Variants in ULK1 observed in about 807,000 individuals in gnomAD.
The protein encoded by ULK1 is unc-51 like autophagy activating kinase 1.
In ULK1, 48 loss-of-function variants were observed where a neutral mutation model predicts 117.5. The ratio of observed to expected loss-of-function variants is 0.41; its 90% CI spans 0.32 to 0.52. The LOEUF (loss-of-function observed/expected upper bound fraction) is 0.52, where lower values mean the gene tolerates loss of function less well. Among genes scored for constraint, ULK1 ranks in the 20% least tolerant of loss-of-function variants. ULK1 has a pLI of 0.29. For missense variants in ULK1, 1,387 were observed against 1,473.4 expected, an observed-to-expected ratio of 0.94 and a Z score of 0.96; for synonymous variants, 790 against 637.8, an observed-to-expected ratio of 1.24 and a Z score of -3.60.
chr12:131,902,390 G>A lies in ULK1; in HGVS notation c.247-4502G>A, dbSNP rs758675554. 6.6e-6 allele frequency among the ~76,000 whole-genome samples: 1 copy of A among 152,154 alleles called. No individual in the cohort carries two copies. The highest frequency in any genetic ancestry group is 1.5e-5 in the Non-Finnish European group (1 of 68,004). On this transcript the variant is annotated intron_variant, in intron 3 of 27. Coordinates refer to ENST00000321867, the MANE Select transcript of ULK1 (RefSeq NM_003565.4). The surrounding 1 kb of genome is among the most constrained non-coding windows in gnomAD (Gnocchi z 6.3). ...AGTAAAGCACCTTAGCACCCCAGGG[G>A]TGGGGCAGCCTCCTACGTGCCCAGA...
In ULK1 at chr12:131,917,412, A is replaced by G. The variant is rs1889901651; in HGVS notation, c.2184A>G (p.Ala728=). 1 of 1,517,018 alleles carries G rather than the reference A, an allele frequency of 6.6e-7. No homozygotes were observed. The highest frequency in any genetic ancestry group is 1.9e-4 in the Middle Eastern group (1 of 5,210). The allele number at this position is 1,517,018 out of a possible 1,614,324, so 94.0% of individuals were successfully genotyped here. ...CTGAGCCCTTCCTTGCTCTCCCAGC[A>G]CCCTCAGCTGGCTTTGGAGGGAGCC... The part of the protein sequence containing the change: ...ESLQEKPMEI[A]PSAGFGGSLH... Residue 728 remains alanine (A), a splice_region_variant and synonymous_variant, in exon 22 of 28, where the codon GCA becomes GCG. Transcript: ENST00000321867.
Position 131,908,834 on chromosome 12 carries a change from G to A in ULK1, c.490+17G>A, listed in dbSNP as rs747139719. ...TCAAGATCGGTCAGCCCGCGGGCAG[G>A]CAGGCGGGCCCGGCGGGGAGGGGCT... On this transcript the variant is annotated intron_variant, in intron 6 of 27. Transcript: ENST00000321867. 4 of 1,606,028 alleles carry A rather than the reference G, an allele frequency of 2.5e-6. No homozygotes were observed. In the South Asian group the frequency reaches 4.4e-5, roughly 18 times the overall value.
Position 131,920,304 on chromosome 12 carries a change from C to G in ULK1, c.2961+168C>G, listed in dbSNP as rs761250775. 16 of 878,742 alleles carry G rather than the reference C, an allele frequency of 1.8e-5. No homozygotes were observed. The Middle Eastern group carries it at 1.4e-3, about 77-fold the overall frequency. The allele number at this position is 878,742 out of a possible 1,614,324, so 54.4% of individuals were successfully genotyped here. A position where few individuals can be genotyped will look rare whatever the true frequency, so the allele number is the denominator to read the frequency against. ...GCACCCCCAGCCTCCTGCAGGCGCT[C>G]GCAGCTCGGCTGGGTGCATCCTTGA... On this transcript the variant is annotated intron_variant, in intron 26 of 27. Coordinates refer to ENST00000321867, the MANE Select transcript of ULK1 (RefSeq NM_003565.4).
Position 131,913,844 on chromosome 12 carries a change from G to A in ULK1, c.1247+8G>A. ...CTCCCCCAGTCCCTCAGGGTAAGCA[G>A]GGCCCCAGGCTGGGTGGATGGGGCT... On this transcript the variant is annotated splice_region_variant and intron_variant, in intron 15 of 27. Transcript: ENST00000321867. 6.6e-7 allele frequency: 1 copy of A among 1,517,240 alleles called. No individual in the cohort carries two copies. The allele number at this position is 1,517,240 out of a possible 1,614,324, so 94.0% of individuals were successfully genotyped here.
At position 131,917,306 on chromosome 12, in the gene ULK1, G is replaced by GGCTCGAGGCTGT; in HGVS notation, c.2183-104_2183-103insCTCGAGGCTGTG. On this transcript the variant is annotated intron_variant, in intron 21 of 27. Transcript: ENST00000321867. ...TCGGAGGCTGTGGGACGGGGGTTGG[G>GGCTCGAGGCTGT]GGGAGCTCGGAGGCCGTGGGATGGG... 3.0e-4 allele frequency: 48 copies of GGCTCGAGGCTGT among 158,096 alleles called. 16 individuals are homozygous for GGCTCGAGGCTGT. The highest frequency in any genetic ancestry group is 3.8e-4 in the Non-Finnish European group (35 of 93,032). 9.8% of individuals were successfully genotyped at this position (158,096 alleles called of 1,614,324 possible).
intron 14 of ULK1, among the ~76,000 whole-genome samples, 194 bp from the exon 15 acceptor site, chr12:131,913,553 A>G (rs1889636504): frequency 6.6e-6 from 1 of 151,882 alleles, no homozygotes; most frequent in Non-Finnish European, 1.5e-5. Flanking sequence ...GAAATGCAAA[A>G]AATTAGCCAG....
intron 23 of ULK1, 113 bp downstream of exon 23, chr12:131,918,794 G>GGTGTGGGGTGTAGA: frequency 1.1e-5 from 3 of 271,806 alleles, no homozygotes; most frequent in South Asian, 1.3e-4. Flanking sequence ...TGGGGTGTCG[G>GGTGTGGGGTGTAGA]GGGTGTGGGG....
intron 11 of ULK1, 49 bp from the exon 12 acceptor site, chr12:131,910,663 G>C: frequency 6.2e-7 from 1 of 1,612,822 alleles, no homozygotes; most frequent in Non-Finnish European, 8.5e-7. Context: ...TCGAGGGTGA[G>C]GAGGAGACAG....
rs1305341405 is a variant in ULK1, at chr12:131,921,384, C to T, written c.*23C>T. 4 of 1,600,812 alleles carry T rather than the reference C, an allele frequency of 2.5e-6. No homozygotes were observed. Among genetic ancestry groups the T allele is most frequent in the African/African-American group, 2.7e-5 (2 of 74,932 alleles). On this transcript the variant is annotated 3_prime_UTR_variant, in exon 28 of 28. Transcript: ENST00000321867. The stretch of plus-strand genomic sequence containing the variant: ...TGACCTTTCTGGCCTGGCTGGGCCC[C>T]CCGTCCTGCCGAGCCCTGCAGAGTG...
chr12:131,915,887 C>G lies in ULK1; in HGVS notation c.1610-4C>G, dbSNP rs771362642. 7.5e-6 allele frequency: 12 copies of G among 1,609,570 alleles called. No individual in the cohort carries two copies. The African/African-American group carries it at 1.3e-4, about 18-fold the overall frequency. On this transcript the variant is annotated splice_region_variant and splice_polypyrimidine_tract_variant and intron_variant, in intron 18 of 27. Coordinates refer to ENST00000321867, the MANE Select transcript of ULK1 (RefSeq NM_003565.4). ...AGGTCGTGACGAGGCGTGTCTCTCT[C>G]TAGGCTCCTCTGCACCCGAGCACTC...
rs1232908571 is a variant in ULK1, at chr12:131,902,229, C to A, written c.247-4663C>A. 3.3e-5 allele frequency among the ~76,000 whole-genome samples: 5 copies of A among 152,170 alleles called. No individual in the cohort carries two copies. The highest frequency in any genetic ancestry group is 7.2e-5 in the African/African-American group (3 of 41,442). ...GGGGGTGCAGAGTGGTTCTGTCCAGCCACAGCTGTGGCTTTTGCCACTTTC... is the reference window on the plus strand; with the variant it reads ...GGGGGTGCAGAGTGGTTCTGTCCAGACACAGCTGTGGCTTTTGCCACTTTC... On this transcript the variant is annotated intron_variant, in intron 3 of 27. Transcript: ENST00000321867. This position sits in a 1 kb window ranked among gnomAD's most constrained non-coding sequence, Gnocchi z 6.3.
intron 5 of ULK1, among the ~76,000 whole-genome samples, chr12:131,908,138 C>T (rs1251565642): frequency 6.6e-6 from 1 of 152,110 alleles, no homozygotes. Context: ...CCGCGTCGCC[C>T]TCATAGCGCT....
rs1215117902 is a variant in ULK1, at chr12:131,922,139, T to C, written c.*778T>C. 1 of 387,716 alleles carries C rather than the reference T, an allele frequency of 2.6e-6. No individual in the cohort carries two copies. Among genetic ancestry groups the C allele is most frequent in the African/African-American group, 2.1e-5 (1 of 47,402 alleles). 24.0% of individuals were successfully genotyped at this position (387,716 alleles called of 1,614,324 possible). ...ACGTCTTGTAATCTTTCACACTTTA[T>C]TCCTAAAACGTGTCTTATTTTTATG... On this transcript the variant is annotated 3_prime_UTR_variant, in exon 28 of 28. Transcript: ENST00000321867.
chr12:131,905,416 G>A (rs935039595), intron 3 of ULK1, among the ~76,000 whole-genome samples: 6 of 152,078 alleles, frequency 3.9e-5, no homozygotes, highest in Non-Finnish European at 8.8e-5. Context: ...CTCCTGAGGC[G>A]CTGAGGGGTG....
rs1889890967 is a variant in ULK1, at chr12:131,917,325, G to C, written c.2183-86G>C. 1.8e-6 allele frequency: 2 copies of C among 1,102,566 alleles called. 1 individual carries two copies. The highest frequency in any genetic ancestry group is 3.5e-5 in the African/African-American group (2 of 56,868). 68.3% of individuals were successfully genotyped at this position (1,102,566 alleles called of 1,614,324 possible). ...GGTTGGGGGGAGCTCGGAGGCCGTG[G>C]GATGGGGGTCGGGTTCGGCTCGGAG... On this transcript the variant is annotated intron_variant, in intron 21 of 27. Coordinates refer to ENST00000321867, the MANE Select transcript of ULK1 (RefSeq NM_003565.4).
chr12:131,908,359 G>T (rs1191661107), intron 5 of ULK1, among the ~76,000 whole-genome samples: 2 of 152,124 alleles, frequency 1.3e-5, no homozygotes, highest in African/African-American at 4.8e-5. Flanking sequence ...GGGCGGAACC[G>T]CGGTGGCACT....
intron 19 of ULK1, 65 bp from the exon 20 acceptor site, chr12:131,916,333 C>A (rs1467942215): frequency 6.6e-7 from 1 of 1,523,566 alleles, no homozygotes; most frequent in Non-Finnish European, 8.8e-7. Flanking sequence ...GGCCCCTTCC[C>A]CAGGCACCGG....
At position 131,921,886 on chromosome 12, in the gene ULK1, G is replaced by A; in HGVS notation, c.*525G>A. ...CCTGGACCTCACCAGGGACTGCTGG[G>A]CAGCGATTCCTGGCAGTGGCCTGGT... On this transcript the variant is annotated 3_prime_UTR_variant, in exon 28 of 28. Transcript: ENST00000321867. The A allele has an allele frequency of 2.2e-6, 1 of 458,188 alleles. No homozygotes were observed. Among genetic ancestry groups the A allele is most frequent in the South Asian group, 1.5e-5 (1 of 64,578 alleles). The allele number at this position is 458,188 out of a possible 1,614,324, so 28.4% of individuals were successfully genotyped here.
At chr12:131,898,637 G>C (rs1888968151) in intron 3 of ULK1, among the ~76,000 whole-genome samples, 1 of 151,758 alleles carries the variant, frequency 6.6e-6, no homozygotes, top group African/African-American at 2.4e-5. Flanking sequence ...GAGTAGCTGG[G>C]ATTACAGGCG....
Sources: allele counts gnomAD v4.1 joint callset (sites outside exome capture counted in the v4.1 genomes callset), GRCh38; gene constraint gnomAD v4.1.1; non-coding constraint Gnocchi (gnomAD v3.1); transcripts MANE v1.5; gene names NCBI Gene and HGNC (gene_info 2026-07-23, HGNC 2026-07-21).